Variants in DNAH9 observed in about 807,000 individuals in gnomAD.
The protein encoded by DNAH9 is DNAH9 variant protein.
Under a neutral mutation model 471.6 loss-of-function variants are expected in DNAH9, and 345 were observed. The ratio of observed to expected loss-of-function variants is 0.73; its 90% CI spans 0.67 to 0.80. The LOEUF is 0.80. Among genes scored for constraint, DNAH9 ranks in the 30% least tolerant of loss-of-function variants. The probability of loss-of-function intolerance (pLI) is 0.00; values close to 1 mark genes in which losing one functional copy is unlikely to be tolerated. For missense variants in DNAH9, 5,407 were observed against 5,609.2 expected (o/e 0.96, Z 1.15); for synonymous variants, 2,093 against 2,123.6 (o/e 0.99, Z 0.40).
chr17:11,694,178 G>A (rs2150758745), intron 21 of DNAH9, 143 bp from the exon 22 acceptor site: 1 of 1,200,880 alleles, frequency 8.3e-7, no homozygotes, highest in Non-Finnish European at 1.2e-6. Flanking sequence ...ACACATCCAT[G>A]TATATCTTTG....
Position 11,962,129 on chromosome 17 carries a change from G to T in DNAH9, c.13106G>T (p.Trp4369Leu). Residue 4369 changes from tryptophan (W) to leucine (L), a missense_variant, in exon 68 of 69, where the codon TGG (tryptophan) becomes TTG (leucine). Physicochemically the swap from Trp to Leu is moderately conservative, Grantham distance 61. This residue lies in a region of DNAH9 where 4,636 missense variants were observed against 4,900.3 expected (regional missense o/e 0.95). Transcript: ENST00000262442. The surrounding 1 kb of genome is among the most constrained non-coding windows in gnomAD (Gnocchi z 4.1). ...IMQSTARKNE[W>L]PLDQMALQCD... is the part of the protein sequence containing the mutation. ...CAGTCCACGGCTCGCAAGAATGAGT[G>T]GCCACTGGACCAGATGGCCCTGCAA... is the stretch of plus-strand genomic sequence containing the variant. The T allele has an allele frequency of 6.2e-7, 1 of 1,614,134 alleles. No individual in the cohort carries two copies. Among genetic ancestry groups the T allele is most frequent in the East Asian group, 2.2e-5 (1 of 44,862 alleles).
chr17:11,950,172 C>T (rs568220186), intron 67 of DNAH9, among the ~76,000 whole-genome samples: 3 of 152,284 alleles, frequency 2.0e-5, no homozygotes, highest in African/African-American at 7.2e-5. Flanking sequence ...TATCCTTCCT[C>T]GACTCTCAAA....
At position 11,962,274 on chromosome 17, in the gene DNAH9, C is replaced by G. The variant is rs570085307; in HGVS notation, c.13233+18C>G. 1.9e-6 allele frequency: 3 copies of G among 1,564,304 alleles called. No homozygotes were observed. In the African/African-American group the frequency reaches 4.1e-5, roughly 21 times the overall value. ...ACACACAGGTAAAGCTTGGAATGAACCAAAGGGCAGCTTTCTGGGGGCTGA... is the reference window on the plus strand; with the variant it reads ...ACACACAGGTAAAGCTTGGAATGAAGCAAAGGGCAGCTTTCTGGGGGCTGA... On this transcript the variant is annotated intron_variant, in intron 68 of 68. Transcript: ENST00000262442. The surrounding 1 kb of genome is among the most constrained non-coding windows in gnomAD (Gnocchi z 4.1).
At chr17:11,934,171 G>A (rs1974617379) in intron 65 of DNAH9, 100 bp downstream of exon 65, 1 of 1,310,240 alleles carries the variant, frequency 7.6e-7, no homozygotes, top group South Asian at 1.4e-5. Context: ...CCTCTGCTGG[G>A]ACATCACCAT....
At chr17:11,939,101 A>G (rs1974812071) in intron 66 of DNAH9, among the ~76,000 whole-genome samples, 1 of 152,168 alleles carries the variant, frequency 6.6e-6, no homozygotes, top group Non-Finnish European at 1.5e-5. Flanking sequence ...TGTGCCAGAG[A>G]GATTGAAATT....
chr17:11,645,951 C>CT (rs1354275665), intron 11 of DNAH9, among the ~76,000 whole-genome samples: 1 of 148,212 alleles, frequency 6.7e-6, no homozygotes, highest in African/African-American at 2.5e-5. Flanking sequence ...ACAATCTCGA[C>CT]TCACTGCAAG....
In DNAH9 at chr17:11,906,345, G is replaced by A. The variant is rs572021786; in HGVS notation, c.11749+536G>A. 2.6e-5 allele frequency among the ~76,000 whole-genome samples: 4 copies of A among 152,198 alleles called. No homozygotes were observed. In the South Asian group the frequency reaches 6.2e-4, roughly 24 times the overall value. On this transcript the variant is annotated intron_variant, in intron 61 of 68. Coordinates refer to ENST00000262442, the MANE Select transcript of DNAH9 (RefSeq NM_001372.4). ...AGACTGGATAAAGAAAATGTGGTAC[G>A]GCTGGGCACGGTGGCTGACACCTGT...
intron 14 of DNAH9, among the ~76,000 whole-genome samples, chr17:11,658,571 G>A (rs948238005): frequency 4.6e-5 from 7 of 151,832 alleles, no homozygotes; most frequent in African/African-American, 1.2e-4. Flanking sequence ...AGAAATGCTC[G>A]CCTCATTTCC....
intron 48 of DNAH9, among the ~76,000 whole-genome samples, chr17:11,825,403 C>T (rs1373576832): frequency 1.3e-5 from 2 of 152,180 alleles, no homozygotes; most frequent in Admixed American, 6.5e-5. Context: ...CTGGGAATTG[C>T]TGGCCCATCT....
rs1308537119 is a variant in DNAH9, at chr17:11,626,069, G to A, written c.1351-3348G>A. Among the ~76,000 whole-genome samples the A allele has an allele frequency of 6.6e-6, 1 of 152,176 alleles. No individual in the cohort carries two copies. On this transcript the variant is annotated intron_variant, in intron 6 of 68. Transcript: ENST00000262442. The surrounding 1 kb of genome is among the most constrained non-coding windows in gnomAD (Gnocchi z 4.3). ...GCTAGTAAATGATGGAACCAGAGTT[G>A]CGTAAACTCAGGGTTTTTTGTTTGT...
intron 1 of DNAH9, among the ~76,000 whole-genome samples, chr17:11,601,147 T>A (rs2072378085): frequency 6.6e-6 from 1 of 152,248 alleles, no homozygotes; most frequent in South Asian, 2.1e-4. Flanking sequence ...TTCTTTCTTT[T>A]TTTAACAATA....
At chr17:11,886,327 C>A (rs1449016956) in intron 56 of DNAH9, among the ~76,000 whole-genome samples, 3 of 150,712 alleles carry the variant, frequency 2.0e-5, no homozygotes, top group Middle Eastern at 3.4e-3. Context: ...TTGTCTCAAA[C>A]AAACAAACAA....
intron 51 of DNAH9, among the ~76,000 whole-genome samples, chr17:11,870,130 G>A (rs967266334): frequency 2.0e-5 from 3 of 152,208 alleles, no homozygotes; most frequent in Non-Finnish European, 4.4e-5. Flanking sequence ...GCAGGAAGTG[G>A]AAAGTCCCAG....
chr17:11,756,227 A>G (rs1262588787), intron 33 of DNAH9, among the ~76,000 whole-genome samples: 2 of 151,828 alleles, frequency 1.3e-5, no homozygotes, highest in Non-Finnish European at 2.9e-5. Flanking sequence ...CAGTGAGCCA[A>G]GATTGTGCCA....
At chr17:11,686,083 C>T (rs1345229059) in intron 19 of DNAH9, among the ~76,000 whole-genome samples, 1 of 152,100 alleles carries the variant, frequency 6.6e-6, no homozygotes, top group African/African-American at 2.4e-5. Flanking sequence ...GGATTACAGG[C>T]ATGAGACACG....
At chr17:11,689,152 G>A (rs2074290030) in intron 19 of DNAH9, among the ~76,000 whole-genome samples, 1 of 151,980 alleles carries the variant, frequency 6.6e-6, no homozygotes, top group Non-Finnish European at 1.5e-5. Context: ...TAGGTTCCTG[G>A]CAAGGCCCTT....
intron 67 of DNAH9, among the ~76,000 whole-genome samples, chr17:11,943,660 G>A (rs889197152): frequency 6.6e-6 from 1 of 152,132 alleles, no homozygotes; most frequent in Non-Finnish European, 1.5e-5. Context: ...CTGGGTGACA[G>A]AGCAAGACTC....
chr17:11,761,527 C>A (rs1967666039), intron 35 of DNAH9, among the ~76,000 whole-genome samples: 1 of 152,220 alleles, frequency 6.6e-6, no homozygotes, highest in Non-Finnish European at 1.5e-5. Context: ...CCCACACAAA[C>A]CCCATCTGCC....
intron 22 of DNAH9, among the ~76,000 whole-genome samples, chr17:11,695,857 G>C (rs1427761050): frequency 2.0e-5 from 3 of 152,146 alleles, no homozygotes. Flanking sequence ...AAAATGCTTG[G>C]ATGAGTTCTT....
Sources: gnomAD v4.1 joint callset for allele counts (sites outside exome capture counted in the v4.1 genomes callset) on GRCh38, gnomAD v4.1.1 for gene constraint, gnomAD v4.1.1 regional missense constraint, Gnocchi (gnomAD v3.1) non-coding constraint, MANE v1.5 for transcripts, NCBI Gene and HGNC (gene_info 2026-07-23, HGNC 2026-07-21) for gene names.